Variants in LOC128125822 observed in about 807,000 individuals in gnomAD.
chr6:63,574,581 T>A, the LOC128125822 span, among the ~76,000 whole-genome samples: 1 of 152,208 alleles, frequency 6.6e-6, no homozygotes. Context: ...AAGTGCTTAC[T>A]TACATGAAGG....
At chr6:63,576,833 T>G in the LOC128125822 span, 1 of 1,472,530 alleles carries the variant, frequency 6.8e-7, no homozygotes, top group South Asian at 1.2e-5. Flanking sequence ...GTATTCAATT[T>G]TTTTAATTAT....
the LOC128125822 span, chr6:63,580,342 G>A: frequency 1.7e-6 from 1 of 586,514 alleles, no homozygotes; most frequent in Non-Finnish European, 3.0e-6. Flanking sequence ...CTCTGTATTT[G>A]GGTTACAGTC....
chr6:63,572,507 G>A, the LOC128125822 span: 201 of 390,092 alleles, frequency 5.2e-4, no homozygotes, highest in Non-Finnish European at 7.8e-4. Flanking sequence ...GGCTCCTTCG[G>A]CTGCGGGCCG....
chr6:63,576,997 T>C, the LOC128125822 span: 1 of 1,583,490 alleles, frequency 6.3e-7, no homozygotes, highest in Non-Finnish European at 8.7e-7. Context: ...TAAGATTTGA[T>C]ATGTTTTAGT....
chr6:63,578,787 A>C, the LOC128125822 span: 1 of 1,201,576 alleles, frequency 8.3e-7, no homozygotes, highest in Non-Finnish European at 1.1e-6. Context: ...AGATTTGATT[A>C]AACATTAAAA....
the LOC128125822 span, chr6:63,573,217 G>A: frequency 1.3e-5 from 2 of 153,080 alleles, no homozygotes; most frequent in African/African-American, 2.4e-5. Context: ...GGCCCGGGGT[G>A]GGGCGAGGGC....
the LOC128125822 span, among the ~76,000 whole-genome samples, chr6:63,574,452 C>T: frequency 6.6e-6 from 1 of 152,068 alleles, no homozygotes; most frequent in Non-Finnish European, 1.5e-5. Context: ...AGAAATCTAT[C>T]GGTGGCCACC....
At chr6:63,578,778 G>C in the LOC128125822 span, 1 of 1,167,590 alleles carries the variant, frequency 8.6e-7, no homozygotes, top group Non-Finnish European at 1.1e-6. Context: ...GGTTTAATAA[G>C]ATTTGATTAA....
At chr6:63,575,283 A>G in the LOC128125822 span, among the ~76,000 whole-genome samples, 5 of 152,224 alleles carry the variant, frequency 3.3e-5, no homozygotes, top group Admixed American at 6.5e-5. Flanking sequence ...TGCTTGAGGC[A>G]GTGACTATGA....
chr6:63,580,399 A>G, the LOC128125822 span: 3 of 469,404 alleles, frequency 6.4e-6, no homozygotes, highest in Non-Finnish European at 1.2e-5. Flanking sequence ...CAGCATATAA[A>G]ATGTGCTTGT....
the LOC128125822 span, among the ~76,000 whole-genome samples, chr6:63,578,081 TTGTC>T: frequency 1.3e-5 from 2 of 152,144 alleles, no homozygotes; most frequent in African/African-American, 4.8e-5. Context: ...ACATTTACCT[TTGTC>T]TGCATTGCTG....
At chr6:63,582,401 ATAAAT>A in the LOC128125822 span, 13 of 152,760 alleles carry the variant, frequency 8.5e-5, no homozygotes, top group South Asian at 2.1e-4. Context: ...GGTGCTAAAA[ATAAAT>A]TAATTTACTT....
the LOC128125822 span, chr6:63,576,673 T>C: frequency 1.5e-5 from 9 of 580,884 alleles, no homozygotes; most frequent in Non-Finnish European, 2.7e-5. Context: ...ACTTCTTTTC[T>C]GTTGGCCTCA....
At chr6:63,574,840 T>G in the LOC128125822 span, among the ~76,000 whole-genome samples, 1 of 152,228 alleles carries the variant, frequency 6.6e-6, no homozygotes, top group East Asian at 1.9e-4. Flanking sequence ...GAAATTATTT[T>G]CAGATTACTA....
the LOC128125822 span, among the ~76,000 whole-genome samples, chr6:63,575,596 T>C: frequency 6.6e-6 from 1 of 152,212 alleles, no homozygotes; most frequent in Admixed American, 6.5e-5. Flanking sequence ...CATCCCTTTG[T>C]CCGCCTTCTC....
At chr6:63,579,037 AT>A in the LOC128125822 span, 1 of 1,563,520 alleles carries the variant, frequency 6.4e-7, no homozygotes, top group South Asian at 1.2e-5. Flanking sequence ...AGGTAAATGA[AT>A]TTATCAATTT....
chr6:63,578,604 ATATC>A, the LOC128125822 span: 43 of 1,526,036 alleles, frequency 2.8e-5, no homozygotes, highest in African/African-American at 4.0e-4. Flanking sequence ...ATTCAAATAA[ATATC>A]TATTTAAGTC....
chr6:63,576,433 C>A, the LOC128125822 span: 1 of 399,052 alleles, frequency 2.5e-6, no homozygotes, highest in Non-Finnish European at 4.4e-6. Flanking sequence ...TTCTTTTAAA[C>A]AGCAATTCTG....
chr6:63,582,592 A>G, the LOC128125822 span: 3 of 152,478 alleles, frequency 2.0e-5, no homozygotes, highest in Non-Finnish European at 2.9e-5. Context: ...AAACTATCTG[A>G]TAGTGTTCTA....
Sources: allele counts gnomAD v4.1 joint callset (sites outside exome capture counted in the v4.1 genomes callset), GRCh38; gene constraint gnomAD v4.1.1; transcripts MANE v1.5.